FARSB: variants seen among roughly 807,000 people sequenced by gnomAD.
The protein encoded by FARSB is phenylalanine--tRNA ligase beta subunit.
A neutral mutation model predicts 69.6 loss-of-function variants in FARSB; 40 were observed. That is an observed-to-expected ratio of 0.57 (90% CI 0.45 to 0.75). FARSB has a LOEUF of 0.75. Ranked by LOEUF, FARSB falls within the 30% of genes least tolerant of loss-of-function variation. The pLI, the probability that FARSB is intolerant of heterozygous loss-of-function variation, is 0.00. For synonymous variants in FARSB, 235 were observed against 247.2 expected (o/e 0.95, Z 0.46); for missense variants, 632 against 722.9 (o/e 0.87, Z 1.44).
At chr2:222,650,078 C>T (rs1409239207) in intron 1 of FARSB, among the ~76,000 whole-genome samples, 2 of 152,100 alleles carry the variant, frequency 1.3e-5, no homozygotes, top group Non-Finnish European at 2.9e-5. Context: ...AGGGCTGGCA[C>T]AAAAGAAGTA....
At chr2:222,637,052 A>AT (rs1047652192) in intron 5 of FARSB, among the ~76,000 whole-genome samples, 33 of 152,194 alleles carry the variant, frequency 2.2e-4, no homozygotes, top group Middle Eastern at 3.4e-3. Context: ...AGAAGGAACT[A>AT]TTTTTTTTAA....
chr2:222,571,029 G>A lies in FARSB; in HGVS notation c.*842C>T, dbSNP rs902348243. 4 of 152,162 alleles carry A rather than the reference G, an allele frequency of 2.6e-5. No individual in the cohort carries two copies. Among genetic ancestry groups the A allele is most frequent in the African/African-American group, 7.2e-5 (3 of 41,440 alleles). 9.4% of individuals were successfully genotyped at this position (152,162 alleles called of 1,614,324 possible). A position where few individuals can be genotyped will look rare whatever the true frequency, so the allele number is the denominator to read the frequency against. ...TGGCTGAAGCTTAGCTTCAGAAAAA[G>A]AGAGGTCTAATATCTCCCTGGGACA... On this transcript the variant is annotated 3_prime_UTR_variant, in exon 17 of 17. Coordinates refer to ENST00000281828, the MANE Select transcript of FARSB (RefSeq NM_005687.5).
intron 3 of FARSB, among the ~76,000 whole-genome samples, chr2:222,642,018 T>G (rs988750018): frequency 8.4e-6 from 1 of 119,466 alleles, no homozygotes; most frequent in African/African-American, 3.1e-5. Flanking sequence ...TTTTTTTTTT[T>G]GAAACAGAGT....
chr2:222,619,519 C>G, intron 14 of FARSB, 126 bp downstream of exon 14: 1 of 601,726 alleles, frequency 1.7e-6, no homozygotes, highest in East Asian at 2.8e-5. Flanking sequence ...TAAACTTACC[C>G]AAGAAGATAT....
chr2:222,584,789 G>C (rs902249857), intron 16 of FARSB, among the ~76,000 whole-genome samples: 1 of 152,226 alleles, frequency 6.6e-6, no homozygotes, highest in African/African-American at 2.4e-5. Context: ...AGCAAGGCTG[G>C]GGGAGGGGCA....
At chr2:222,589,164 G>T (rs986420243) in intron 16 of FARSB, among the ~76,000 whole-genome samples, 1 of 152,094 alleles carries the variant, frequency 6.6e-6, no homozygotes, top group Non-Finnish European at 1.5e-5. Context: ...CCAAAACAGA[G>T]ATATAGACCA....
intron 10 of FARSB, among the ~76,000 whole-genome samples, chr2:222,628,369 A>G (rs553398718): frequency 1.3e-5 from 2 of 152,344 alleles, no homozygotes; most frequent in South Asian, 4.1e-4. Context: ...CCATGATTTG[A>G]TCATTACATA....
intron 16 of FARSB, among the ~76,000 whole-genome samples, chr2:222,594,093 CAAAAAAAAAAAAA>C (rs33937937): frequency 3.9e-5 from 2 of 51,548 alleles, no homozygotes; most frequent in African/African-American, 1.0e-4. Context: ...CCCGCCTCTA[CAAAAAAAAAAAAA>C]AAAAAAAAAA....
At chr2:222,655,903 C>T (rs992064344) in intron 1 of FARSB, 113 bp downstream of exon 1, 5 of 855,458 alleles carry the variant, frequency 5.8e-6, no homozygotes, top group Non-Finnish European at 9.5e-6. Context: ...AAACCCCGGC[C>T]TCCCGGAGCC....
intron 15 of FARSB, among the ~76,000 whole-genome samples, chr2:222,602,936 C>T (rs948933791): frequency 6.6e-6 from 1 of 151,620 alleles, no homozygotes; most frequent in African/African-American, 2.4e-5. Context: ...TGAAATTAGA[C>T]ATATTGTATC....
rs1180633352 is a variant in FARSB at position 222,569,439 on chromosome 2, C to T, written c.*2432G>A. On this transcript the variant is annotated 3_prime_UTR_variant, in exon 17 of 17. Coordinates refer to ENST00000281828, the MANE Select transcript of FARSB (RefSeq NM_005687.5). The stretch of plus-strand genomic sequence containing the variant: ...GTGGACCAGTGAGCCACCTTGAGCA[C>T]AACTGCCAATTCTACAGTTCAGGCT... The T allele has an allele frequency of 6.6e-6, 1 of 152,202 alleles. No individual in the cohort carries two copies. The highest frequency in any genetic ancestry group is 1.5e-5 in the Non-Finnish European group (1 of 68,022). The allele number at this position is 152,202 out of a possible 1,614,324, so 9.4% of individuals were successfully genotyped here.
chr2:222,571,969 C>T lies in FARSB; in HGVS notation c.1672G>A (p.Val558Ile), dbSNP rs776755911. 1.9e-5 allele frequency: 31 copies of T among 1,613,804 alleles called. No individual in the cohort carries two copies. Among genetic ancestry groups the T allele is most frequent in the South Asian group, 2.2e-5 (2 of 91,074 alleles). Residue 558 changes from valine to isoleucine, a missense_variant, in exon 17 of 17, where the codon GTC (valine) becomes ATC (isoleucine). Physicochemically the swap from Val to Ile is conservative, Grantham distance 29. Transcript: ENST00000281828. ...CAEIFARGQSVGKLGVLHPDV... is the reference protein window; with the variant it reads ...CAEIFARGQSIGKLGVLHPDV... ...GGATGAAGGACCCCAAGCTTCCCGA[C>T]GCTTTGACCCCTGGCAAAGATCTCT...
Position 222,631,313 on chromosome 2 carries a change from C to T in FARSB, c.786+291G>A, listed in dbSNP as rs548954451. Among the ~76,000 whole-genome samples, 49 of 151,800 alleles carry T rather than the reference C, an allele frequency of 3.2e-4. 1 individual carries two copies. The South Asian group carries it at 8.3e-3, about 26-fold the overall frequency. On this transcript the variant is annotated intron_variant, in intron 8 of 16. Coordinates refer to ENST00000281828, the MANE Select transcript of FARSB (RefSeq NM_005687.5). ...CATTCCATTTTGTGTTTTATAGTTA[C>T]GTATATGACTAACTCTCCCCCTAGG...
At chr2:222,634,742 A>G (rs941574661) in intron 5 of FARSB, among the ~76,000 whole-genome samples, 46 of 152,334 alleles carry the variant, frequency 3.0e-4, no homozygotes, top group African/African-American at 1.1e-3. Context: ...ACAAATTCTC[A>G]CAACCATTAA....
chr2:222,569,201 T>G lies in FARSB; in HGVS notation c.*2670A>C, dbSNP rs1689677028. The G allele has an allele frequency of 6.6e-6, 1 of 152,230 alleles. No homozygotes were observed. The highest frequency in any genetic ancestry group is 2.4e-5 in the African/African-American group (1 of 41,466). The allele number at this position is 152,230 out of a possible 1,614,324, so 9.4% of individuals were successfully genotyped here. A position where few individuals can be genotyped will look rare whatever the true frequency, so the allele number is the denominator to read the frequency against. On this transcript the variant is annotated 3_prime_UTR_variant, in exon 17 of 17. Coordinates refer to ENST00000281828, the MANE Select transcript of FARSB (RefSeq NM_005687.5). ...ACATCTACATGATGCATGGAGTTGA[T>G]CTTTCCCCTTTCATGCTGGGATATA...
At chr2:222,618,772 T>C (rs2106214120) in intron 14 of FARSB, among the ~76,000 whole-genome samples, 1 of 152,298 alleles carries the variant, frequency 6.6e-6, no homozygotes, top group African/African-American at 2.4e-5. Context: ...ACTGATATAA[T>C]GGGCAATTTC....
At chr2:222,587,228 G>C (rs1690139442) in intron 16 of FARSB, among the ~76,000 whole-genome samples, 1 of 152,168 alleles carries the variant, frequency 6.6e-6, no homozygotes, top group African/African-American at 2.4e-5. Context: ...CAACTACATG[G>C]AAACTGGACA....
At chr2:222,621,690 G>A (rs1691139941) in intron 13 of FARSB, among the ~76,000 whole-genome samples, 1 of 152,166 alleles carries the variant, frequency 6.6e-6, no homozygotes, top group Non-Finnish European at 1.5e-5. Context: ...CAACTACTAT[G>A]CAGATATAGC....
chr2:222,596,855 C>T lies in FARSB; in HGVS notation c.1618+3073G>A, dbSNP rs75772013. Reference sequence around the variant, plus strand: ...ACATACATATATATTAGATGAAAAACTTAATACCAACTTTATTACTGACTT... The same window carrying T: ...ACATACATATATATTAGATGAAAAATTTAATACCAACTTTATTACTGACTT... On this transcript the variant is annotated intron_variant, in intron 16 of 16. Coordinates refer to ENST00000281828, the MANE Select transcript of FARSB (RefSeq NM_005687.5). 4.1e-3 allele frequency among the ~76,000 whole-genome samples: 631 copies of T among 152,160 alleles called. 6 individuals are homozygous for T. Among genetic ancestry groups the T allele is most frequent in the African/African-American group, 0.014 (593 of 41,518 alleles).
Sources: gnomAD v4.1 joint callset for allele counts (sites outside exome capture counted in the v4.1 genomes callset) on GRCh38, gnomAD v4.1.1 for gene constraint, MANE v1.5 for transcripts, NCBI Gene and HGNC (gene_info 2026-07-23, HGNC 2026-07-21) for gene names.